The following NRK variants were observed in gnomAD, a reference collection of about 807,000 sequenced individuals.
NRK encodes the protein Nik related kinase.
In NRK, 67 loss-of-function variants were observed where a neutral mutation model predicts 125.2. That is an observed-to-expected ratio of 0.54 (90% CI 0.44 to 0.66). The LOEUF is 0.66. Ranked by LOEUF, NRK falls within the 30% of genes least tolerant of loss-of-function variation. The probability of loss-of-function intolerance (pLI) is 0.00; values close to 1 mark genes in which losing one functional copy is unlikely to be tolerated. For missense variants in NRK, 1,224 were observed against 1,192.9 expected, an observed-to-expected ratio of 1.03 and a Z score of -0.38; for synonymous variants, 458 against 429.0, an observed-to-expected ratio of 1.07 and a Z score of -0.84.
chrX:105,938,379 G>C (rs2040692933), intron 22 of NRK, among the ~76,000 whole-genome samples: 1 of 111,908 alleles, frequency 8.9e-6, no homozygotes, highest in South Asian at 3.7e-4. Flanking sequence ...TAATGATTTT[G>C]TGTTATTCCT....
intron 17 of NRK, 29 bp from the exon 18 acceptor site, chrX:105,923,089 G>T: frequency 8.7e-7 from 1 of 1,153,764 alleles, no homozygotes; most frequent in South Asian, 2.0e-5. Context: ...AGCTACTAGA[G>T]GCTACATTAA....
At chrX:105,860,951 T>C (rs757237723) in intron 2 of NRK, among the ~76,000 whole-genome samples, 2 of 110,979 alleles carry the variant, frequency 1.8e-5, no homozygotes, top group Non-Finnish European at 3.8e-5. Flanking sequence ...ATATACAAGT[T>C]TGTGTGGGGA....
intron 1 of NRK, among the ~76,000 whole-genome samples, chrX:105,824,851 G>A (rs1244081833): frequency 9.0e-6 from 1 of 111,444 alleles, no homozygotes; most frequent in East Asian, 2.8e-4. Flanking sequence ...CAAAACTTCA[G>A]GACATTGATG....
Position 105,924,645 on chromosome X carries a change from A to G in NRK, c.2976-50A>G, listed in dbSNP as rs190332649. ...TTCTGTTGTACTTGCTAACTTTCAA[A>G]TGTGTTTTTATTGCGTGACTTTCTT... On this transcript the variant is annotated intron_variant, in intron 18 of 28. Coordinates refer to ENST00000243300, the MANE Select transcript of NRK (RefSeq NM_198465.4). The G allele has an allele frequency of 1.1e-5, 11 of 1,032,491 alleles. No individual in the cohort carries two copies. The Admixed American group carries it at 1.1e-4, about 10-fold the overall frequency. The allele number at this position is 1,032,491 out of a possible 1,213,427, so 85.1% of individuals were successfully genotyped here.
rs1393641642 is a variant in NRK at position 105,934,318 on chromosome X, C to A, written c.3373C>A (p.Pro1125Thr). Residue 1125 changes from proline (P) to threonine (T), a missense_variant, in exon 20 of 29, where the codon CCT becomes ACT. Pro to Thr is a conservative substitution (Grantham distance 38). Transcript: ENST00000243300. ...AIDSGAAPSA[P>T]DHESDNKDIS... ...TGACTCAGGTGCTGCACCGTCAGCA[C>A]CTGATCATGAGAGTGACAATAAGGA... The A allele has an allele frequency of 8.4e-7, 1 of 1,192,918 alleles. No homozygotes were observed. Among genetic ancestry groups the A allele is most frequent in the Non-Finnish European group, 1.1e-6 (1 of 880,556 alleles).
chrX:105,845,772 T>A (rs2147659279), intron 2 of NRK, among the ~76,000 whole-genome samples: 1 of 111,553 alleles, frequency 9.0e-6, no homozygotes, highest in East Asian at 2.8e-4. Context: ...GGTGGTCTTC[T>A]GGTCCCAGAA....
chrX:105,871,185 A>C (rs989880053), intron 2 of NRK, among the ~76,000 whole-genome samples: 2 of 111,584 alleles, frequency 1.8e-5, no homozygotes, highest in South Asian at 3.8e-4. Flanking sequence ...GAGCCTTGGC[A>C]CTTCGATTAT....
intron 10 of NRK, among the ~76,000 whole-genome samples, 200 bp from the exon 11 acceptor site, chrX:105,906,214 C>T (rs2040216763): frequency 9.0e-6 from 1 of 111,393 alleles, no homozygotes. Context: ...TTGACTCTTG[C>T]TTCTTTTTCT....
chrX:105,855,781 T>G (rs767385553), intron 2 of NRK, among the ~76,000 whole-genome samples: 6 of 112,033 alleles, frequency 5.4e-5, no homozygotes, highest in African/African-American at 1.9e-4. Flanking sequence ...CATGCTTCAC[T>G]TTTTAAAACC....
chrX:105,923,466 G>T lies in NRK; in HGVS notation c.2959G>T (p.Ala987Ser), dbSNP rs2040480163. 8.9e-7 allele frequency: 1 copy of T among 1,128,053 alleles called. No homozygotes were observed. Among genetic ancestry groups the T allele is most frequent in the Non-Finnish European group, 1.2e-6 (1 of 848,603 alleles). 93.0% of individuals were successfully genotyped at this position (1,128,053 alleles called of 1,213,427 possible). The change falls in exon 18 of 29, where the codon GCG becomes TCG. Residue 987 changes from alanine to serine, a missense_variant. Transcript: ENST00000243300. ...TGATGTAAATAATAATTATTATGAG[G>T]CGCCTAGTTGTCCAAGGTTGGTTTT... ...VDDVNNNYYE[A>S]PSCPRASYGR...
intron 4 of NRK, among the ~76,000 whole-genome samples, chrX:105,882,752 T>C (rs2039899814): frequency 9.0e-6 from 1 of 111,503 alleles, no homozygotes; most frequent in Non-Finnish European, 1.9e-5. Context: ...GCTCCTGTTA[T>C]GTCTATAATT....
intron 21 of NRK, among the ~76,000 whole-genome samples, chrX:105,935,813 T>TTATATA (rs770022568): frequency 9.7e-6 from 1 of 102,681 alleles, no homozygotes; most frequent in Non-Finnish European, 2.0e-5. Flanking sequence ...TTATTATATT[T>TTATATA]TATATATATA....
intron 7 of NRK, among the ~76,000 whole-genome samples, chrX:105,897,341 G>A (rs1569304611): frequency 8.9e-6 from 1 of 112,380 alleles, no homozygotes; most frequent in Non-Finnish European, 1.9e-5. Context: ...CCTAATGACA[G>A]CCAAAGGAAC....
At position 105,897,691 on chromosome X, in the gene NRK, A is replaced by C. The variant is rs950174456; in HGVS notation, c.581-893A>C. Among the ~76,000 whole-genome samples, 3 of 112,332 alleles carry C rather than the reference A, an allele frequency of 2.7e-5. No individual in the cohort carries two copies. The South Asian group carries it at 1.1e-3, about 41-fold the overall frequency. ...CTGTTTCTTTTTAAAAATCTAGATA[A>C]AAACATGGCACAACACCCAATGGTG... On this transcript the variant is annotated intron_variant, in intron 7 of 28. Transcript: ENST00000243300.
rs1330651614 is a variant in NRK at position 105,909,198 on chromosome X, A to G, written c.1557A>G (p.Glu519=). Residue 519 remains glutamate, a synonymous_variant, in exon 13 of 29, where the codon GAA becomes GAG. Coordinates refer to ENST00000243300, the MANE Select transcript of NRK (RefSeq NM_198465.4). ...EPQDLDQVPE[E]FQGQDQVPEQ... ...AAGATTTGGACCAGGTACCAGAGGA[A>G]TTTCAGGGTCAAGATCAGGTACCCG... 1 of 1,210,343 alleles carries G rather than the reference A, an allele frequency of 8.3e-7. No homozygotes were observed. Among genetic ancestry groups the G allele is most frequent in the East Asian group, 3.0e-5 (1 of 33,695 alleles).
intron 2 of NRK, among the ~76,000 whole-genome samples, chrX:105,834,759 T>A (rs866572690): frequency 5.8e-4 from 64 of 110,844 alleles, no homozygotes; most frequent in African/African-American, 1.9e-3. Context: ...CAATTTTTTT[T>A]CTATCTTCAC....
Position 105,899,688 on chromosome X carries a change from G to A in NRK, c.712-930G>A, listed in dbSNP as rs1375039816. Among the ~76,000 whole-genome samples, 4 of 111,688 alleles carry A rather than the reference G, an allele frequency of 3.6e-5. No individual in the cohort carries two copies. In the East Asian group the frequency reaches 1.1e-3, roughly 32 times the overall value. ...TTAAGCATAGACTATCACAACTCAA[G>A]CTAAGAAATCTATCAACTAGGGTTC... is the stretch of plus-strand genomic sequence containing the variant. On this transcript the variant is annotated intron_variant, in intron 8 of 28. Transcript: ENST00000243300.
At chrX:105,909,936 A>G (rs1333790683) in intron 13 of NRK, 54 bp downstream of exon 13, 3 of 999,186 alleles carry the variant, frequency 3.0e-6, no homozygotes, top group Non-Finnish European at 4.0e-6. Flanking sequence ...AAAATGTGAT[A>G]GCTCATGCGG....
intron 2 of NRK, among the ~76,000 whole-genome samples, chrX:105,871,617 A>G (rs1391533250): frequency 9.0e-6 from 1 of 111,004 alleles, no homozygotes; most frequent in Non-Finnish European, 1.9e-5. Context: ...ACTGTGCTAG[A>G]CCCTAAATTT....
Sources: allele counts gnomAD v4.1 joint callset (sites outside exome capture counted in the v4.1 genomes callset), GRCh38; gene constraint gnomAD v4.1.1; transcripts MANE v1.5; gene names NCBI Gene and HGNC (gene_info 2026-07-23, HGNC 2026-07-21).